TRPM7: variants seen among roughly 807,000 people sequenced by gnomAD.
TRPM7 encodes the protein LTRPC ion channel family member 7.
Under a neutral mutation model 229.7 loss-of-function variants are expected in TRPM7, and 134 were observed. That is an observed-to-expected ratio of 0.58 (90% CI 0.51 to 0.67). The LOEUF (loss-of-function observed/expected upper bound fraction) is 0.67, where lower values mean the gene tolerates loss of function less well. TRPM7 is among the 30% of genes least tolerant of loss of function. The probability of loss-of-function intolerance (pLI) is 0.00; values close to 1 mark genes in which losing one functional copy is unlikely to be tolerated. For synonymous variants in TRPM7, 699 were observed against 715.2 expected (o/e 0.98, Z 0.36); for missense variants, 1,901 against 2,210.0 (o/e 0.86, Z 2.80).
chr15:50,640,721 A>G (rs2061076559), intron 5 of TRPM7, among the ~76,000 whole-genome samples: 1 of 152,090 alleles, frequency 6.6e-6, no homozygotes, highest in South Asian at 2.1e-4. Context: ...GGGCCTTTAA[A>G]TATGTGACGA....
intron 13 of TRPM7, among the ~76,000 whole-genome samples, chr15:50,615,318 T>C (rs529791055): frequency 1.3e-5 from 2 of 152,150 alleles, no homozygotes; most frequent in East Asian, 1.9e-4. Flanking sequence ...ATGTTAAGTA[T>C]TTTTTTAACC....
chr15:50,579,816 G>A (rs948840277), intron 30 of TRPM7, among the ~76,000 whole-genome samples: 1 of 151,762 alleles, frequency 6.6e-6, no homozygotes, highest in African/African-American at 2.4e-5. Flanking sequence ...TATTTGTTTT[G>A]AGACTAGGTC....
intron 1 of TRPM7, among the ~76,000 whole-genome samples, chr15:50,682,576 C>CAA (rs146017285): frequency 1.6e-4 from 17 of 103,176 alleles, no homozygotes; most frequent in African/African-American, 5.1e-4. Flanking sequence ...AACTCCATCT[C>CAA]AAAAAAAAAA....
At chr15:50,653,506 T>C (rs1321020723) in intron 3 of TRPM7, among the ~76,000 whole-genome samples, 2 of 152,070 alleles carry the variant, frequency 1.3e-5, no homozygotes, top group Admixed American at 6.6e-5. Context: ...ACAAAATATA[T>C]GAGATAACTG....
At chr15:50,566,469 G>C (rs1425386461) in intron 38 of TRPM7, among the ~76,000 whole-genome samples, 1 of 152,020 alleles carries the variant, frequency 6.6e-6, no homozygotes, top group African/African-American at 2.4e-5. Flanking sequence ...AGGCCGAGTC[G>C]GGTAGATCAC....
rs544148102 is a variant in TRPM7 at position 50,617,680 on chromosome 15, T to C, written c.1494+2065A>G. On this transcript the variant is annotated intron_variant, in intron 13 of 38. Transcript: ENST00000646667. ...CATTCTTTTTTCTTAAGAAGGGTCT[T>C]GATGTGTACCCAGACTGGAGTACAG... 2.0e-5 allele frequency among the ~76,000 whole-genome samples: 3 copies of C among 152,170 alleles called. 1 individual carries two copies. The South Asian group carries it at 6.2e-4, about 32-fold the overall frequency.
At chr15:50,606,778 C>T (rs933841210) in intron 20 of TRPM7, among the ~76,000 whole-genome samples, 7 of 152,180 alleles carry the variant, frequency 4.6e-5, no homozygotes, top group Non-Finnish European at 1.0e-4. Flanking sequence ...CCATTACAGG[C>T]GTGAGCCACC....
At chr15:50,631,556 G>C (rs2060732619) in intron 9 of TRPM7, 67 bp from the exon 10 acceptor site, 2 of 1,109,202 alleles carry the variant, frequency 1.8e-6, no homozygotes, top group Non-Finnish European at 2.7e-6. Flanking sequence ...ATAAAACTCA[G>C]TAATTTCAAA....
chr15:50,652,078 A>C (rs928766108), intron 3 of TRPM7, among the ~76,000 whole-genome samples: 5 of 151,930 alleles, frequency 3.3e-5, no homozygotes, highest in African/African-American at 1.2e-4. Context: ...CATGCCTGTA[A>C]TCCCAGCACT....
chr15:50,671,266 A>C (rs1250522334), intron 1 of TRPM7, among the ~76,000 whole-genome samples: 1 of 152,046 alleles, frequency 6.6e-6, no homozygotes, highest in Non-Finnish European at 1.5e-5. Context: ...AACTTTTATC[A>C]GTTCAATTTT....
intron 3 of TRPM7, 126 bp from the exon 4 acceptor site, chr15:50,649,011 A>T (rs986081983): frequency 1.6e-6 from 1 of 620,224 alleles, no homozygotes; most frequent in Admixed American, 3.7e-5. Context: ...AAGTATAAAA[A>T]TAAGCTTTTT....
At chr15:50,637,316 G>C (rs191523602) in intron 7 of TRPM7, 106 bp downstream of exon 7, 2 of 998,924 alleles carry the variant, frequency 2.0e-6, no homozygotes, top group African/African-American at 1.6e-5. Context: ...ATGTTATCTT[G>C]CTATGTAAGA....
chr15:50,677,780 TCTA>T (rs1212831356), intron 1 of TRPM7, among the ~76,000 whole-genome samples: 1 of 138,590 alleles, frequency 7.2e-6, no homozygotes, highest in Non-Finnish European at 1.5e-5. Context: ...ACCCAGAGCC[TCTA>T]CTAAGTAACA....
At chr15:50,654,171 C>T (rs1206291648) in intron 3 of TRPM7, among the ~76,000 whole-genome samples, 2 of 152,066 alleles carry the variant, frequency 1.3e-5, no homozygotes, top group Non-Finnish European at 2.9e-5. Context: ...AATTATTGGC[C>T]GGGTGCAGTG....
intron 1 of TRPM7, among the ~76,000 whole-genome samples, chr15:50,679,993 G>T (rs1050400820): frequency 6.6e-6 from 1 of 150,606 alleles, no homozygotes; most frequent in Non-Finnish European, 1.5e-5. Flanking sequence ...CAGCACTTTG[G>T]GGGGCCAAGG....
chr15:50,636,672 A>G (rs16953035), intron 7 of TRPM7, among the ~76,000 whole-genome samples: 4,404 of 152,302 alleles, frequency 0.029, 233 homozygotes, highest in African/African-American at 0.1. Flanking sequence ...ACATGGTTGG[A>G]AAGAAAAATC....
At chr15:50,607,171 T>C in intron 20 of TRPM7, 29 bp downstream of exon 20, 1 of 1,590,516 alleles carries the variant, frequency 6.3e-7, no homozygotes, top group Non-Finnish European at 8.5e-7. Context: ...ATACAGTAAA[T>C]TATTGGTAGA....
chr15:50,648,702 A>G lies in TRPM7; in HGVS notation c.306T>C (p.His102=), dbSNP rs781170545. 27 of 1,607,602 alleles carry G rather than the reference A, an allele frequency of 1.7e-5. No homozygotes were observed. In the East Asian group the frequency reaches 5.8e-4, roughly 35 times the overall value. The change falls in exon 4 of 39, where the codon CAT becomes CAC. Residue 102 remains histidine, a synonymous_variant. Coordinates refer to ENST00000646667, the MANE Select transcript of TRPM7 (RefSeq NM_017672.6). ...TGTGACATACCTTAGCTCTGTAGGA[A>G]TGAGAACCCCCTTGAAAATTTATGA... ...YGVINFQGGS[H]SYRAKYVRLS... is the part of the protein sequence containing the mutation.
At chr15:50,679,534 A>AT (rs1468424653) in intron 1 of TRPM7, among the ~76,000 whole-genome samples, 41 of 57,644 alleles carry the variant, frequency 7.1e-4, no homozygotes, top group African/African-American at 3.5e-3. Flanking sequence ...ATATATATAT[A>AT]TATATTTTTT....
Sources: gnomAD v4.1 joint callset for allele counts (sites outside exome capture counted in the v4.1 genomes callset) on GRCh38, gnomAD v4.1.1 for gene constraint, MANE v1.5 for transcripts, NCBI Gene and HGNC (gene_info 2026-07-23, HGNC 2026-07-21) for gene names.